KCND3: variants seen among roughly 807,000 people sequenced by gnomAD.
KCND3 encodes the protein A-type voltage-gated potassium channel KCND3.
KCND3 carries 9 observed loss-of-function variants against 51.1 expected under a neutral mutation model. The observed-to-expected ratio is 0.18, with a 90% CI of 0.11 to 0.31. The LOEUF (loss-of-function observed/expected upper bound fraction) is 0.31. Among genes scored for constraint, KCND3 ranks in the 10% least tolerant of loss-of-function variants. The pLI, the probability that KCND3 is intolerant of heterozygous loss-of-function variation, is 1.00. For synonymous variants in KCND3, 349 were observed against 368.0 expected, an observed-to-expected ratio of 0.95 and a Z score of 0.59; for missense variants, 526 against 903.8, an observed-to-expected ratio of 0.58 and a Z score of 5.36.
intron 2 of KCND3, among the ~76,000 whole-genome samples, chr1:111,956,059 T>C (rs1054170286): frequency 2.6e-5 from 4 of 152,042 alleles, no homozygotes; most frequent in Non-Finnish European, 5.9e-5. Flanking sequence ...AATTTACAGA[T>C]GAGGAAACTG....
chr1:111,886,009 C>T lies in KCND3; in HGVS notation c.1106+95612G>A, dbSNP rs527521604. On this transcript the variant is annotated intron_variant, in intron 2 of 7. Coordinates refer to ENST00000302127, the MANE Select transcript of KCND3 (RefSeq NM_001378969.1). ...GCTAGACATGATAGTGTGTTATCTA[C>T]TCAAGTAATGTAATTAAAAACAGAA... is the stretch of plus-strand genomic sequence containing the variant. Among the ~76,000 whole-genome samples, 5 of 152,318 alleles carry T rather than the reference C, an allele frequency of 3.3e-5. No homozygotes were observed. The East Asian group carries it at 9.6e-4, about 29-fold the overall frequency.
In KCND3 at chr1:111,797,422, T is replaced by C. The variant is rs532385768; in HGVS notation, c.1107-10316A>G. Among the ~76,000 whole-genome samples, 131 of 151,974 alleles carry C rather than the reference T, an allele frequency of 8.6e-4. 1 individual carries two copies. Among genetic ancestry groups the C allele is most frequent in the South Asian group, 4.2e-3 (20 of 4,784 alleles). ...TAGCCCCTCGCACTGGCCAGTACTT[T>C]CCCCCCCATCCTCCTGGATTGATGA... On this transcript the variant is annotated intron_variant, in intron 2 of 7. Coordinates refer to ENST00000302127, the MANE Select transcript of KCND3 (RefSeq NM_001378969.1).
chr1:111,801,617 G>T (rs1319014910), intron 2 of KCND3, among the ~76,000 whole-genome samples: 1 of 152,186 alleles, frequency 6.6e-6, no homozygotes, highest in Non-Finnish European at 1.5e-5. Context: ...GTGCTTAGCG[G>T]TTTGGCCAAT....
intron 2 of KCND3, among the ~76,000 whole-genome samples, chr1:111,959,223 C>T (rs763885822): frequency 2.0e-5 from 3 of 152,200 alleles, no homozygotes; most frequent in African/African-American, 4.8e-5. Flanking sequence ...TCCAGAAGTG[C>T]TTTCCCATGT....
chr1:111,982,878 A>T lies in KCND3; in HGVS notation c.-72-80T>A, dbSNP rs570744592. ...AAGAAATGGGACACAGGAAAGGATC[A>T]CTGGTGAGTGAAACGGCCAAAGTCT... On this transcript the variant is annotated intron_variant, in intron 1 of 7. Transcript: ENST00000302127. The surrounding 1 kb of genome is among the most constrained non-coding windows in gnomAD (Gnocchi z 8.5). 12 of 1,114,352 alleles carry T rather than the reference A, an allele frequency of 1.1e-5. No homozygotes were observed. The African/African-American group carries it at 1.5e-4, about 14-fold the overall frequency. The allele number at this position is 1,114,352 out of a possible 1,614,324, so 69.0% of individuals were successfully genotyped here. A position where few individuals can be genotyped will look rare whatever the true frequency, so the allele number is the denominator to read the frequency against.
intron 2 of KCND3, among the ~76,000 whole-genome samples, chr1:111,893,308 G>A (rs894258158): frequency 6.6e-6 from 1 of 152,184 alleles, no homozygotes; most frequent in African/African-American, 2.4e-5. Context: ...GACGGAGAAG[G>A]TGACATTTGA....
At chr1:111,854,639 G>GTAC (rs1438863365) in intron 2 of KCND3, among the ~76,000 whole-genome samples, 1 of 152,224 alleles carries the variant, frequency 6.6e-6, no homozygotes, top group African/African-American at 2.4e-5. Context: ...AAGGGCAGCA[G>GTAC]TACAAAGTGT....
intron 2 of KCND3, among the ~76,000 whole-genome samples, chr1:111,907,184 C>T (rs1199946634): frequency 6.6e-6 from 1 of 152,216 alleles, no homozygotes; most frequent in Non-Finnish European, 1.5e-5. Flanking sequence ...AGAGAACAGA[C>T]TTGTTGCTGG....
intron 2 of KCND3, among the ~76,000 whole-genome samples, chr1:111,874,444 C>A (rs182077489): frequency 6.6e-6 from 1 of 152,094 alleles, no homozygotes; most frequent in African/African-American, 2.4e-5. Context: ...GCCTTTGGAG[C>A]GTTTTGTCTG....
intron 2 of KCND3, among the ~76,000 whole-genome samples, chr1:111,900,599 CTG>C (rs1430144010): frequency 6.6e-6 from 1 of 152,078 alleles, no homozygotes; most frequent in Non-Finnish European, 1.5e-5. Flanking sequence ...GAAAATAAAA[CTG>C]TGTTTATCTT....
intron 2 of KCND3, among the ~76,000 whole-genome samples, chr1:111,821,489 G>T (rs1666345799): frequency 6.6e-6 from 1 of 152,208 alleles, no homozygotes; most frequent in Non-Finnish European, 1.5e-5. Flanking sequence ...CTATGGTGGT[G>T]CTGGACAGAG....
chr1:111,955,486 T>A (rs969368425), intron 2 of KCND3, among the ~76,000 whole-genome samples: 3 of 152,174 alleles, frequency 2.0e-5, no homozygotes, highest in Admixed American at 6.5e-5. Context: ...GGAGGGTAAA[T>A]CATCCCCTCC....
At chr1:111,834,820 C>T (rs1263318096) in intron 2 of KCND3, among the ~76,000 whole-genome samples, 1 of 152,232 alleles carries the variant, frequency 6.6e-6, no homozygotes, top group Non-Finnish European at 1.5e-5. Context: ...CAGCAAGCCC[C>T]TCTTCAACTT....
At chr1:111,914,638 A>C (rs572745033) in intron 2 of KCND3, among the ~76,000 whole-genome samples, 39 of 152,230 alleles carry the variant, frequency 2.6e-4, no homozygotes, top group Non-Finnish European at 4.3e-4. Flanking sequence ...AAAAGGAAAA[A>C]AACCTGCCAA....
rs767006414 is a variant in KCND3, at chr1:111,801,507, G to T, written c.1107-14401C>A. The stretch of plus-strand genomic sequence containing the variant: ...TGCCTTCTGTGGCTCCAGCTGGGAC[G>T]TGGTTGAGGTAGTGACAGGTGGGAG... On this transcript the variant is annotated intron_variant, in intron 2 of 7. Coordinates refer to ENST00000302127, the MANE Select transcript of KCND3 (RefSeq NM_001378969.1). Among the ~76,000 whole-genome samples, 5 of 152,288 alleles carry T rather than the reference G, an allele frequency of 3.3e-5. No individual in the cohort carries two copies. The East Asian group carries it at 9.7e-4, about 29-fold the overall frequency.
chr1:111,878,353 G>A (rs906653492), intron 2 of KCND3, among the ~76,000 whole-genome samples: 1 of 152,206 alleles, frequency 6.6e-6, no homozygotes, highest in African/African-American at 2.4e-5. Context: ...TAGTCAGCAC[G>A]AGCTCAGCTG....
intron 2 of KCND3, among the ~76,000 whole-genome samples, chr1:111,813,929 A>G (rs918840567): frequency 2.0e-5 from 3 of 152,048 alleles, no homozygotes; most frequent in Non-Finnish European, 4.4e-5. Flanking sequence ...AGTGCTTTAT[A>G]CACAACATCT....
intron 2 of KCND3, among the ~76,000 whole-genome samples, chr1:111,793,760 T>C (rs1047216587): frequency 3.9e-5 from 6 of 152,068 alleles, no homozygotes; most frequent in African/African-American, 1.4e-4. Context: ...TAATGGCATT[T>C]ATGGCCTATT....
chr1:111,870,499 A>C (rs2101712610), intron 2 of KCND3, among the ~76,000 whole-genome samples: 1 of 152,280 alleles, frequency 6.6e-6, no homozygotes, highest in African/African-American at 2.4e-5. Context: ...CTTCAATTAG[A>C]GGGTCAGCTG....
Sources: gnomAD v4.1 joint callset for allele counts (sites outside exome capture counted in the v4.1 genomes callset) on GRCh38, gnomAD v4.1.1 for gene constraint, Gnocchi (gnomAD v3.1) non-coding constraint, MANE v1.5 for transcripts, NCBI Gene and HGNC (gene_info 2026-07-23, HGNC 2026-07-21) for gene names.